The following WNK2 variants were observed in gnomAD, a reference collection of about 807,000 sequenced individuals.
The protein encoded by WNK2 is serine/threonine-protein kinase WNK2.
A neutral mutation model predicts 192.1 loss-of-function variants in WNK2; 67 were observed. The observed-to-expected ratio is 0.35, with a 90% CI of 0.29 to 0.43. The LOEUF is 0.43. WNK2 is among the 20% of genes least tolerant of loss of function. WNK2 has a pLI of 1.00. For missense variants in WNK2, 2,698 were observed against 3,089.7 expected (o/e 0.87, Z 3.01); for synonymous variants, 1,439 against 1,393.9 (o/e 1.03, Z -0.72).
chr9:93,291,445 TAGAG>T (rs1849329042), intron 21 of WNK2, among the ~76,000 whole-genome samples: 1 of 151,990 alleles, frequency 6.6e-6, no homozygotes, highest in Admixed American at 6.5e-5. Context: ...CATTTAGAAG[TAGAG>T]AGAGTGCGAT....
rs10761203 is a variant in WNK2 at position 93,259,030 on chromosome 9, G to A, written c.2482G>A (p.Val828Met). The A allele has an allele frequency of 0.46, 739,998 of 1,612,286 alleles. 177,884 individuals are homozygous for A. Among genetic ancestry groups the A allele is most frequent in the Admixed American group, 0.58 (35,054 of 59,956 alleles). The change falls in exon 12 of 30, where the codon GTG (valine) becomes ATG (methionine). Residue 828 changes from valine (V) to methionine (M), a missense_variant. Coordinates refer to ENST00000427277, the MANE Select transcript of WNK2 (RefSeq NM_006648.4). The surrounding 1 kb of genome is among the most constrained non-coding windows in gnomAD (Gnocchi z 4.8). ...CCTGCCGACCGCGACTGTGCCTCCCGTGCCACCACCTCAGTATTTCTCTCC... is the reference window on the plus strand; with the variant it reads ...CCTGCCGACCGCGACTGTGCCTCCCATGCCACCACCTCAGTATTTCTCTCC... ...PDLPTATVPPVPPPQYFSPAV... is the reference protein window; with the variant it reads ...PDLPTATVPPMPPPQYFSPAV...
At chr9:93,206,035 C>T (rs767243531) in intron 2 of WNK2, among the ~76,000 whole-genome samples, 4 of 152,212 alleles carry the variant, frequency 2.6e-5, no homozygotes, top group South Asian at 2.1e-4. Context: ...TGCGGAGCCT[C>T]GGGGCACAAT....
intron 19 of WNK2, chr9:93,269,013 G>A: frequency 7.1e-7 from 1 of 1,414,474 alleles, no homozygotes; most frequent in Non-Finnish European, 9.7e-7. Context: ...GGTGTGTGTT[G>A]AAGAGCTCCG....
At chr9:93,198,463 C>A (rs1159645740) in intron 2 of WNK2, among the ~76,000 whole-genome samples, 1 of 152,168 alleles carries the variant, frequency 6.6e-6, no homozygotes, top group Non-Finnish European at 1.5e-5. Flanking sequence ...CCCGGTAGGG[C>A]GTAGGGGCAG....
intron 27 of WNK2, 146 bp from the exon 28 acceptor site, chr9:93,308,182 A>C: frequency 7.0e-7 from 1 of 1,430,226 alleles, no homozygotes; most frequent in East Asian, 2.5e-5. Flanking sequence ...AGGCCCCTTA[A>C]TCCGACCGCC....
At chr9:93,210,001 A>G (rs1431016086) in intron 2 of WNK2, among the ~76,000 whole-genome samples, 1 of 152,094 alleles carries the variant, frequency 6.6e-6, no homozygotes, top group Non-Finnish European at 1.5e-5. Flanking sequence ...ATGCATTTCC[A>G]TGCTGTGGTG....
chr9:93,268,561 T>TG (rs1845528756), intron 18 of WNK2, 66 bp from the exon 19 acceptor site: 2 of 1,559,534 alleles, frequency 1.3e-6, no homozygotes, highest in Admixed American at 1.9e-5. Flanking sequence ...GTGCAGGTGA[T>TG]GGGGGTCACA....
At chr9:93,284,629 G>T (rs541949400) in intron 19 of WNK2, among the ~76,000 whole-genome samples, 1 of 151,946 alleles carries the variant, frequency 6.6e-6, no homozygotes, top group African/African-American at 2.4e-5. Context: ...GGAAGGGAAG[G>T]GGGAGAGGTA....
rs780585299 is a variant in WNK2 at position 93,257,040 on chromosome 9, G to A, written c.2283G>A (p.Pro761=). ...AGCCGGTTCCCCCCCACCTGCCACCGTACCTGGCTCCAGCCTCCCAGGTGG... is the reference window on the plus strand; with the variant it reads ...AGCCGGTTCCCCCCCACCTGCCACCATACCTGGCTCCAGCCTCCCAGGTGG... The part of the protein sequence containing the change: ...PLQPVPPHLP[P]YLAPASQVGA... Residue 761 remains proline (P), a synonymous_variant, in exon 11 of 30, where the codon CCG becomes CCA. Transcript: ENST00000427277. The surrounding 1 kb of genome is among the most constrained non-coding windows in gnomAD (Gnocchi z 4.7). The A allele has an allele frequency of 3.1e-5, 50 of 1,604,044 alleles. No homozygotes were observed. Among genetic ancestry groups the A allele is most frequent in the Admixed American group, 1.5e-4 (9 of 58,558 alleles).
intron 15 of WNK2, 54 bp from the exon 16 acceptor site, chr9:93,263,863 G>T (rs1588286562): frequency 6.9e-7 from 1 of 1,456,006 alleles, no homozygotes; most frequent in Non-Finnish European, 9.2e-7. Flanking sequence ...GTGGGGGTGT[G>T]GCGGGTGCAC....
Position 93,257,270 on chromosome 9 carries a change from A to G in WNK2, c.2382+131A>G. On this transcript the variant is annotated intron_variant, in intron 11 of 29. Coordinates refer to ENST00000427277, the MANE Select transcript of WNK2 (RefSeq NM_006648.4). This position sits in a 1 kb window ranked among gnomAD's most constrained non-coding sequence, Gnocchi z 4.7. The stretch of plus-strand genomic sequence containing the variant: ...TGACCTGGGGTTGGGCTGGCCAGGG[A>G]GTTGGGGCTGGGCTGGGGAGTCCGG... 1 of 1,011,640 alleles carries G rather than the reference A, an allele frequency of 9.9e-7. No homozygotes were observed. The highest frequency in any genetic ancestry group is 2.7e-5 in the East Asian group (1 of 36,556). 62.7% of individuals were successfully genotyped at this position (1,011,640 alleles called of 1,614,324 possible). A position where few individuals can be genotyped will look rare whatever the true frequency, so the allele number is the denominator to read the frequency against.
chr9:93,185,237 C>T lies in WNK2; in HGVS notation c.308C>T (p.Ala103Val). Residue 103 changes from alanine (A) to valine (V), a missense_variant, in exon 2 of 30, where the codon GCG (alanine) becomes GTG (valine). Around this residue, in one of 7 missense-constraint regions of WNK2, gnomAD observed 260 missense variants for 285.6 expected, o/e 0.91. Coordinates refer to ENST00000427277, the MANE Select transcript of WNK2 (RefSeq NM_006648.4). ...PAAPAPAALV[A>V]QPGAPGAPAD... ...GCCCCCGCGCCCGCAGCGCTGGTAGCGCAGCCGGGAGCCCCCGGAGCCCCC... is the reference window on the plus strand; with the variant it reads ...GCCCCCGCGCCCGCAGCGCTGGTAGTGCAGCCGGGAGCCCCCGGAGCCCCC... 1 of 1,214,424 alleles carries T rather than the reference C, an allele frequency of 8.2e-7. No homozygotes were observed. Among genetic ancestry groups the T allele is most frequent in the Non-Finnish European group, 1.0e-6 (1 of 979,012 alleles). The allele number at this position is 1,214,424 out of a possible 1,614,324, so 75.2% of individuals were successfully genotyped here. A position where few individuals can be genotyped will look rare whatever the true frequency, so the allele number is the denominator to read the frequency against.
At chr9:93,286,103 T>G (rs1848408294) in intron 19 of WNK2, among the ~76,000 whole-genome samples, 1 of 152,164 alleles carries the variant, frequency 6.6e-6, no homozygotes, top group African/African-American at 2.4e-5. Context: ...GGCCCCCACG[T>G]AGAACACATA....
intron 2 of WNK2, among the ~76,000 whole-genome samples, chr9:93,193,083 T>C (rs7858813): frequency 0.93 from 141,092 of 152,266 alleles, 65,492 homozygotes; most frequent in African/African-American, 0.98. Context: ...TTGTGGTCCG[T>C]CCTGGCTGTG....
intron 14 of WNK2, among the ~76,000 whole-genome samples, chr9:93,262,999 G>A (rs575488487): frequency 6.6e-6 from 1 of 152,334 alleles, no homozygotes; most frequent in East Asian, 1.9e-4. Context: ...GAGGCTATGG[G>A]CGGAGTTGGC....
chr9:93,264,097 G>A (rs13297522), intron 16 of WNK2, 64 bp downstream of exon 16: 1 of 1,266,886 alleles, frequency 7.9e-7, no homozygotes, highest in Non-Finnish European at 1.1e-6. Context: ...CCTGAGCAGA[G>A]CGCCACAGGT....
At chr9:93,258,627 G>A (rs978116733) in intron 11 of WNK2, among the ~76,000 whole-genome samples, 1 of 152,158 alleles carries the variant, frequency 6.6e-6, no homozygotes, top group African/African-American at 2.4e-5. Flanking sequence ...TGGCTGTCGT[G>A]AGTGTGGACA....
chr9:93,284,968 C>T (rs894875636), intron 19 of WNK2, among the ~76,000 whole-genome samples: 3 of 152,152 alleles, frequency 2.0e-5, no homozygotes, highest in Non-Finnish European at 4.4e-5. Flanking sequence ...GAAATAAATA[C>T]ATAATGCATG....
chr9:93,210,550 A>G (rs772695143), intron 2 of WNK2, among the ~76,000 whole-genome samples: 6 of 152,134 alleles, frequency 3.9e-5, no homozygotes, highest in Non-Finnish European at 8.8e-5. Context: ...CCTGCCGCAC[A>G]TCAGCCTCGT....
Sources: allele counts gnomAD v4.1 joint callset (sites outside exome capture counted in the v4.1 genomes callset), GRCh38; gene constraint gnomAD v4.1.1; regional missense constraint gnomAD v4.1.1; non-coding constraint Gnocchi (gnomAD v3.1); transcripts MANE v1.5; gene names NCBI Gene and HGNC (gene_info 2026-07-23, HGNC 2026-07-21).